PLD1: variants seen among roughly 807,000 people sequenced by gnomAD.
PLD1 encodes phospholipase D1, also known as choline phosphatase 1.
A neutral mutation model predicts 137.1 loss-of-function variants in PLD1; 112 were observed. That is an observed-to-expected ratio of 0.82 (90% CI 0.70 to 0.96). The LOEUF (loss-of-function observed/expected upper bound fraction) is 0.96, where lower values mean the gene tolerates loss of function less well. PLD1 is among the 40% of genes least tolerant of loss of function. The probability of loss-of-function intolerance (pLI) is 0.00; values close to 1 mark genes in which losing one functional copy is unlikely to be tolerated. For missense variants in PLD1, 1,321 were observed against 1,342.0 expected, an observed-to-expected ratio of 0.98 and a Z score of 0.24; for synonymous variants, 431 against 454.7, an observed-to-expected ratio of 0.95 and a Z score of 0.66.
At chr3:171,665,502 C>T (rs371979733) in intron 19 of PLD1, among the ~76,000 whole-genome samples, 3 of 152,230 alleles carry the variant, frequency 2.0e-5, no homozygotes, top group South Asian at 4.1e-4. Flanking sequence ...CAGTTCAAGA[C>T]CAGCCTGGCC....
intron 21 of PLD1, among the ~76,000 whole-genome samples, chr3:171,658,211 T>A (rs1165859811): frequency 1.3e-5 from 2 of 152,164 alleles, no homozygotes; most frequent in Non-Finnish European, 2.9e-5. Flanking sequence ...ACCTCTCATA[T>A]ACTATGGGAA....
At chr3:171,784,558 C>T (rs1027047040) in intron 1 of PLD1, among the ~76,000 whole-genome samples, 2 of 152,172 alleles carry the variant, frequency 1.3e-5, no homozygotes, top group Admixed American at 6.5e-5. Flanking sequence ...TGCCATGTCC[C>T]AGGCAAATGA....
intron 22 of PLD1, among the ~76,000 whole-genome samples, chr3:171,644,242 T>C (rs948532831): frequency 6.6e-6 from 1 of 152,164 alleles, no homozygotes; most frequent in African/African-American, 2.4e-5. Flanking sequence ...TCCATCCCCA[T>C]CTATGCAGGC....
At chr3:171,709,415 C>A (rs2108563995) in intron 10 of PLD1, 145 bp downstream of exon 10, 4 of 576,106 alleles carry the variant, frequency 6.9e-6, no homozygotes, top group South Asian at 6.4e-5. Flanking sequence ...TCAGGTAGTC[C>A]CATAATTATC....
intron 1 of PLD1, among the ~76,000 whole-genome samples, chr3:171,757,145 A>C (rs538440931): frequency 2.0e-5 from 3 of 152,308 alleles, no homozygotes; most frequent in Non-Finnish European, 4.4e-5. Context: ...TAAAGAAAGC[A>C]ATCTACCGAC....
At chr3:171,709,488 C>T in intron 10 of PLD1, 72 bp downstream of exon 10, 1 of 1,292,398 alleles carries the variant, frequency 7.7e-7, no homozygotes, top group Non-Finnish European at 1.1e-6. Flanking sequence ...AAACTGATTC[C>T]AGGTGAATTT....
At chr3:171,781,578 A>T (rs1164155891) in intron 1 of PLD1, among the ~76,000 whole-genome samples, 2 of 152,220 alleles carry the variant, frequency 1.3e-5, no homozygotes, top group Non-Finnish European at 2.9e-5. Flanking sequence ...TGAGCAAAAG[A>T]TTTGACTGGA....
intron 19 of PLD1, among the ~76,000 whole-genome samples, chr3:171,664,831 G>T (rs1025099088): frequency 2.0e-5 from 3 of 152,098 alleles, no homozygotes; most frequent in African/African-American, 7.2e-5. Context: ...TATCATGGAG[G>T]TTCAGTTTCC....
At chr3:171,715,261 G>T (rs1717585017) in intron 8 of PLD1, among the ~76,000 whole-genome samples, 1 of 152,180 alleles carries the variant, frequency 6.6e-6, no homozygotes, top group East Asian at 1.9e-4. Flanking sequence ...AAATCAGTAG[G>T]CTGTAGATAC....
intron 23 of PLD1, among the ~76,000 whole-genome samples, chr3:171,631,990 G>A (rs1439671563): frequency 6.6e-6 from 1 of 152,134 alleles, no homozygotes; most frequent in African/African-American, 2.4e-5. Context: ...TACACCTAAA[G>A]TGTTTTCCTA....
chr3:171,611,900 C>T (rs533453408), intron 25 of PLD1, among the ~76,000 whole-genome samples: 4 of 151,976 alleles, frequency 2.6e-5, no homozygotes, highest in African/African-American at 4.8e-5. Flanking sequence ...GGCAGCACAG[C>T]GAGACACGGT....
Position 171,644,950 on chromosome 3 carries a change from C to T in PLD1, c.2503G>A (p.Gly835Arg), listed in dbSNP as rs764046890. The change falls in exon 22 of 27, where the codon GGA becomes AGA. Residue 835 changes from glycine to arginine, a missense_variant. Transcript: ENST00000351298. The part of the protein sequence containing the change: ...PGFEGDISTG[G>R]GNALQAIMHF... ...ATGATTGCCTGTAGAGCATTTCCTC[C>T]GCCGGTTGAAATGTCTCCTTCGAAC... The T allele has an allele frequency of 2.3e-5, 37 of 1,613,692 alleles. No individual in the cohort carries two copies. In the Admixed American group the frequency reaches 3.5e-4, roughly 15 times the overall value.
intron 11 of PLD1, among the ~76,000 whole-genome samples, chr3:171,705,725 T>G: frequency 6.6e-6 from 1 of 152,190 alleles, no homozygotes; most frequent in Non-Finnish European, 1.5e-5. Flanking sequence ...TGTGGAAGAA[T>G]TGAAACTCTC....
Position 171,692,396 on chromosome 3 carries a change from A to C in PLD1, c.1274T>G (p.Leu425Arg). 6.2e-7 allele frequency: 1 copy of C among 1,606,898 alleles called. No homozygotes were observed. Among genetic ancestry groups the C allele is most frequent in the South Asian group, 1.1e-5 (1 of 90,944 alleles). The change falls in exon 13 of 27, where the codon CTC becomes CGC. Residue 425 changes from leucine (L) to arginine (R), a missense_variant. By Grantham distance (102) the Leu-to-Arg change is moderately radical. Coordinates refer to ENST00000351298, the MANE Select transcript of PLD1 (RefSeq NM_002662.5). Reference sequence around the variant, plus strand: ...GTATTCACTATTGATGCCAAGAGCGAGTTCCACCTCTTTGTAGAGCATTAT... The same window carrying C: ...GTATTCACTATTGATGCCAAGAGCGCGTTCCACCTCTTTGTAGAGCATTAT... ...IFIMLYKEVE[L>R]ALGINSEYTK...
intron 1 of PLD1, among the ~76,000 whole-genome samples, chr3:171,775,188 T>C (rs1722546284): frequency 6.6e-6 from 1 of 150,422 alleles, no homozygotes; most frequent in Non-Finnish European, 1.5e-5. Flanking sequence ...GATATTTTCT[T>C]TGACGTCAAA....
chr3:171,616,724 G>A (rs921482280), intron 24 of PLD1, among the ~76,000 whole-genome samples: 3 of 152,034 alleles, frequency 2.0e-5, no homozygotes, highest in African/African-American at 7.2e-5. Flanking sequence ...TCTCCCTAAC[G>A]GCCTCTAAAA....
chr3:171,693,028 A>G (rs1423089458), intron 12 of PLD1, among the ~76,000 whole-genome samples: 2 of 152,242 alleles, frequency 1.3e-5, no homozygotes, highest in Admixed American at 6.5e-5. Context: ...TTTAGTATAA[A>G]ATGGACACCC....
rs1272363322 is a variant in PLD1 at position 171,687,501 on chromosome 3, A to G, written c.1623T>C (p.Ile541=). Residue 541 remains isoleucine, a synonymous_variant, in exon 15 of 27, where the codon ATT becomes ATC. Transcript: ENST00000351298. ...PVQNLPIQKS[I]DDVDSKLKGI... ...CTTTCAGTTTTGAATCCACATCATC[A>G]ATACTCTTCTGGATGGGTAGGTTTT... is the stretch of plus-strand genomic sequence containing the variant. 8.7e-6 allele frequency: 14 copies of G among 1,614,010 alleles called. No individual in the cohort carries two copies. Among genetic ancestry groups the G allele is most frequent in the Non-Finnish European group, 1.2e-5 (14 of 1,179,896 alleles).
intron 3 of PLD1, among the ~76,000 whole-genome samples, chr3:171,736,054 A>G (rs754083806): frequency 9.2e-5 from 14 of 152,250 alleles, no homozygotes; most frequent in Middle Eastern, 6.8e-3. Flanking sequence ...TACTAACAGC[A>G]CCATCTTGGC....
Sources: gnomAD v4.1 joint callset for allele counts (sites outside exome capture counted in the v4.1 genomes callset) on GRCh38, gnomAD v4.1.1 for gene constraint, MANE v1.5 for transcripts, NCBI Gene and HGNC (gene_info 2026-07-23, HGNC 2026-07-21) for gene names.